KAZN: variants seen among roughly 807,000 people sequenced by gnomAD.
KAZN encodes kazrin, periplakin interacting protein, also known as kazrin.
Under a neutral mutation model 87.4 loss-of-function variants are expected in KAZN, and 40 were observed. That is an observed-to-expected ratio of 0.46 (90% CI 0.36 to 0.60). The LOEUF (loss-of-function observed/expected upper bound fraction) is 0.60. Ranked by LOEUF, KAZN falls within the 20% of genes least tolerant of loss-of-function variation. The probability of loss-of-function intolerance (pLI) is 0.00; values close to 1 mark genes in which losing one functional copy is unlikely to be tolerated. For synonymous variants in KAZN, 466 were observed against 458.3 expected (o/e 1.02, Z -0.22); for missense variants, 898 against 1,073.9 (o/e 0.84, Z 2.29).
At chr1:14,808,536 G>T (rs1349652952) in intron 1 of KAZN, among the ~76,000 whole-genome samples, 1 of 151,358 alleles carries the variant, frequency 6.6e-6, no homozygotes, top group Admixed American at 6.6e-5. Flanking sequence ...GACCTCAAGT[G>T]ATCCACCCAC....
At chr1:14,943,346 T>A (rs1661370639) in intron 1 of KAZN, among the ~76,000 whole-genome samples, 1 of 152,020 alleles carries the variant, frequency 6.6e-6, no homozygotes, top group African/African-American at 2.4e-5. Context: ...GATCACTTCC[T>A]CAGCAGTCAC....
chr1:14,870,622 T>C (rs1557574216), intron 1 of KAZN, among the ~76,000 whole-genome samples: 2 of 152,224 alleles, frequency 1.3e-5, no homozygotes, highest in Admixed American at 1.3e-4. Context: ...ATTACAGGTG[T>C]GAGCCCCCAG....
chr1:14,724,856 T>A (rs1478172495), intron 1 of KAZN, among the ~76,000 whole-genome samples: 1 of 152,200 alleles, frequency 6.6e-6, no homozygotes, highest in African/African-American at 2.4e-5. Flanking sequence ...CCTTCCTCAC[T>A]CTGGTTCATC....
At chr1:14,058,303 A>G (rs907649794) in intron 1 of KAZN, among the ~76,000 whole-genome samples, 1 of 152,244 alleles carries the variant, frequency 6.6e-6, no homozygotes, top group African/African-American at 2.4e-5. Flanking sequence ...AAGTTTCTTT[A>G]AGCCTCTCTG....
intron 2 of KAZN, among the ~76,000 whole-genome samples, chr1:14,328,258 T>C (rs1447015187): frequency 6.6e-6 from 1 of 152,218 alleles, no homozygotes; most frequent in African/African-American, 2.4e-5. Context: ...GATATGTATG[T>C]GTGAATTTAA....
chr1:14,114,133 C>G (rs979306428), intron 1 of KAZN, among the ~76,000 whole-genome samples: 1 of 152,194 alleles, frequency 6.6e-6, no homozygotes, highest in Non-Finnish European at 1.5e-5. Flanking sequence ...CCAGCCATGG[C>G]GGTGGCAGAG....
chr1:15,011,299 T>C (rs1445148727), intron 2 of KAZN, among the ~76,000 whole-genome samples: 1 of 152,236 alleles, frequency 6.6e-6, no homozygotes, highest in East Asian at 1.9e-4. Flanking sequence ...TTGTTATCTC[T>C]AAATCCCAGG....
intron 1 of KAZN, among the ~76,000 whole-genome samples, chr1:14,130,921 T>C (rs1201904837): frequency 1.3e-5 from 2 of 152,118 alleles, no homozygotes; most frequent in East Asian, 1.9e-4. Flanking sequence ...TTTAATACTA[T>C]GCAAGCAGTG....
At chr1:14,970,303 G>A (rs1664889371) in intron 2 of KAZN, among the ~76,000 whole-genome samples, 1 of 152,012 alleles carries the variant, frequency 6.6e-6, no homozygotes. Flanking sequence ...ATATCTCATT[G>A]GCCAAAGCAA....
chr1:14,435,057 A>G (rs779120033), intron 2 of KAZN, among the ~76,000 whole-genome samples: 1 of 152,108 alleles, frequency 6.6e-6, no homozygotes, highest in Admixed American at 6.5e-5. Flanking sequence ...AACCTCAGCC[A>G]GGGTCTCCTT....
intron 2 of KAZN, among the ~76,000 whole-genome samples, chr1:14,413,674 T>C (rs1664504832): frequency 6.6e-6 from 1 of 150,426 alleles, no homozygotes; most frequent in South Asian, 2.1e-4. Context: ...GGTAGAGAAT[T>C]GCTTTTGGAA....
chr1:14,879,611 T>C (rs909688471), intron 1 of KAZN, among the ~76,000 whole-genome samples: 3 of 152,142 alleles, frequency 2.0e-5, no homozygotes, highest in South Asian at 4.1e-4. Context: ...AATAGACTCG[T>C]TGGCTCAGAT....
chr1:14,240,737 C>T (rs531334721), intron 2 of KAZN, among the ~76,000 whole-genome samples: 95 of 151,368 alleles, frequency 6.3e-4, no homozygotes, highest in African/African-American at 2.3e-3. Flanking sequence ...CTTTCTGGGC[C>T]ATAGCTGCAC....
chr1:14,042,808 T>G (rs187341407), intron 1 of KAZN, among the ~76,000 whole-genome samples: 1 of 152,342 alleles, frequency 6.6e-6, no homozygotes, highest in Admixed American at 6.5e-5. Context: ...TTTCCAAAAC[T>G]TTTGCATGTT....
chr1:14,789,678 C>A (rs547599498), intron 1 of KAZN, among the ~76,000 whole-genome samples: 2 of 138,458 alleles, frequency 1.4e-5, no homozygotes, highest in Non-Finnish European at 3.1e-5. Flanking sequence ...ATGGTGTGTT[C>A]TGTCCTGTCC....
chr1:14,050,787 G>A (rs1293156047), intron 1 of KAZN, among the ~76,000 whole-genome samples: 1 of 152,106 alleles, frequency 6.6e-6, no homozygotes, highest in African/African-American at 2.4e-5. Flanking sequence ...TGCCAGTGCT[G>A]AGGACCCGGC....
chr1:14,785,300 A>G (rs1645476161), intron 1 of KAZN, among the ~76,000 whole-genome samples: 1 of 152,182 alleles, frequency 6.6e-6, no homozygotes, highest in South Asian at 2.1e-4. Flanking sequence ...GAACTTTGTC[A>G]TTGACTGGCT....
At chr1:14,659,743 A>G (rs563873662) in intron 1 of KAZN, among the ~76,000 whole-genome samples, 31 of 152,256 alleles carry the variant, frequency 2.0e-4, no homozygotes, top group African/African-American at 6.7e-4. Context: ...TGGCCCTACA[A>G]CAAGGCAATT....
At chr1:15,113,386 A>G (rs1373516359) in intron 14 of KAZN, 1 of 152,186 alleles carries the variant, frequency 6.6e-6, no homozygotes, top group Non-Finnish European at 1.5e-5. Flanking sequence ...ACAATTTCAC[A>G]GCAGGGGTGC....
Sources: gnomAD v4.1 joint callset for allele counts (sites outside exome capture counted in the v4.1 genomes callset) on GRCh38, gnomAD v4.1.1 for gene constraint, MANE v1.5 for transcripts, NCBI Gene and HGNC (gene_info 2026-07-23, HGNC 2026-07-21) for gene names.